CYP2D6: variants seen among roughly 807,000 people sequenced by gnomAD.
The protein encoded by CYP2D6 is cytochrome P450 family 2 subfamily D member 6 (gene/pseudogene), also known as cytochrome P450 2D6.
In CYP2D6, 51 loss-of-function variants were observed where a neutral mutation model predicts 43.5. The ratio of observed to expected loss-of-function variants is 1.17; its 90% CI spans 0.94 to 1.48. CYP2D6 has a LOEUF of 1.48. CYP2D6 is among the 40% of genes most tolerant of loss of function. CYP2D6 has a pLI of 0.00. For synonymous variants in CYP2D6, 346 were observed against 297.1 expected (o/e 1.16, Z -1.69); for missense variants, 698 against 688.0 (o/e 1.01, Z -0.16).
In CYP2D6 at chr22:42,126,610, G is replaced by C. The variant is rs757963591; in HGVS notation, c.1458C>G (p.Ser486Arg). ...SHHGVFAFLV[S>R]PSPYELCAVP... is the part of the protein sequence containing the mutation. ...CAGCACAAAGCTCATAGGGGGATGG[G>C]CTCACCAGGAAAGCAAAGACACCAT... The change falls in exon 9 of 9, where the codon AGC becomes AGG. Residue 486 changes from serine (S) to arginine (R), a missense_variant. Coordinates refer to ENST00000645361, the MANE Select transcript of CYP2D6 (RefSeq NM_000106.6). 4.4e-6 allele frequency: 7 copies of C among 1,607,004 alleles called. No homozygotes were observed. Among genetic ancestry groups the C allele is most frequent in the African/African-American group, 1.4e-5 (1 of 73,870 alleles).
chr22:42,130,489 C>T (rs1439163480), intron 1 of CYP2D6, 123 bp downstream of exon 1: 11 of 1,170,760 alleles, frequency 9.4e-6, no homozygotes, highest in Non-Finnish European at 1.4e-5. Flanking sequence ...GGACGTCCCC[C>T]AAACCTGCTT....
chr22:42,126,539 G>A lies in CYP2D6; in HGVS notation c.*35C>T, dbSNP rs756951232. The A allele has an allele frequency of 1.3e-6, 2 of 1,530,728 alleles. No individual in the cohort carries two copies. The highest frequency in any genetic ancestry group is 1.8e-6 in the Non-Finnish European group (2 of 1,137,412). 94.8% of individuals were successfully genotyped at this position (1,530,728 alleles called of 1,614,324 possible). The stretch of plus-strand genomic sequence containing the variant: ...TGCTTTATTGTACATTAGAGCCTCT[G>A]GCTAGGGAGCAGGCTGGGGACTAGG... On this transcript the variant is annotated 3_prime_UTR_variant, in exon 9 of 9. Coordinates refer to ENST00000645361, the MANE Select transcript of CYP2D6 (RefSeq NM_000106.6).
In CYP2D6 at chr22:42,128,338, C is replaced by T; in HGVS notation, c.679G>A (p.Val227Ile). 1 of 1,610,310 alleles carries T rather than the reference C, an allele frequency of 6.2e-7. No individual in the cohort carries two copies. The highest frequency in any genetic ancestry group is 8.5e-7 in the Non-Finnish European group (1 of 1,177,816). ...GCTGGGATATGCAGGAGGACGGGGACAGCATTCAGCACCTACACCAGACAG... is the reference window on the plus strand; with the variant it reads ...GCTGGGATATGCAGGAGGACGGGGATAGCATTCAGCACCTACACCAGACAG... ...SGFLREVLNA[V>I]PVLLHIPALA... The change falls in exon 5 of 9, where the codon GTC (valine) becomes ATC (isoleucine). Residue 227 changes from valine to isoleucine, a missense_variant. Physicochemically the swap from Val to Ile is conservative, Grantham distance 29. Around this residue, in one of 5 missense-constraint regions of CYP2D6, gnomAD observed 588 missense variants for 521.1 expected, o/e 1.13. Transcript: ENST00000645361.
chr22:42,127,317 G>A (rs1306928763), intron 7 of CYP2D6, 130 bp downstream of exon 7: 3 of 1,212,162 alleles, frequency 2.5e-6, no homozygotes, highest in East Asian at 2.4e-5. Context: ...CCCAAGTGGG[G>A]ACAGTCAGTG....
At position 42,127,457 on chromosome 22, in the gene CYP2D6, C is replaced by T. The variant is rs77312092; in HGVS notation, c.1163G>A (p.Arg388His). 141 of 1,608,408 alleles carry T rather than the reference C, an allele frequency of 8.8e-5. 2 individuals carry two copies. The highest frequency in any genetic ancestry group is 3.3e-4 in the Middle Eastern group (2 of 6,070). Residue 388 changes from arginine (R) to histidine (H), a missense_variant, in exon 7 of 9, where the codon CGC becomes CAC. By Grantham distance (29) the Arg-to-His change is conservative. Coordinates refer to ENST00000645361, the MANE Select transcript of CYP2D6 (RefSeq NM_000106.6). Reference sequence around the variant, plus strand: ...GGGCGCCAGGCCTACCTTAGGGATGCGGAAGCCCTGTACTTCGATGTCACG... The same window carrying T: ...GGGCGCCAGGCCTACCTTAGGGATGTGGAAGCCCTGTACTTCGATGTCACG... The part of the protein sequence containing the change: ...TSRDIEVQGF[R>H]IPKGTTLITN...
In CYP2D6 at chr22:42,127,854, G is replaced by C. The variant is rs1931189498; in HGVS notation, c.973C>G (p.Pro325Ala). Residue 325 changes from proline to alanine, a missense_variant, in exon 6 of 9, where the codon CCG (proline) becomes GCG (alanine). Physicochemically the swap from Pro to Ala is conservative, Grantham distance 27. Coordinates refer to ENST00000645361, the MANE Select transcript of CYP2D6 (RefSeq NM_000106.6). ...AWGLLLMILH[P>A]DVQRRVQQEI... ...CAGATGGGCTCACGCTGCACATCCG[G>C]ATGTAGGATCATGAGCAGGAGGCCC... 1 of 1,611,036 alleles carries C rather than the reference G, an allele frequency of 6.2e-7. No individual in the cohort carries two copies. The highest frequency in any genetic ancestry group is 8.5e-7 in the Non-Finnish European group (1 of 1,178,132).
chr22:42,129,325 A>C, intron 2 of CYP2D6, 140 bp from the exon 3 acceptor site: 1 of 1,155,304 alleles, frequency 8.7e-7, no homozygotes. Flanking sequence ...CTCTTTGTGC[A>C]TCCACCTTGC....
At chr22:42,129,486 A>G (rs1323373629) in intron 2 of CYP2D6, 1 of 723,118 alleles carries the variant, frequency 1.4e-6, no homozygotes, top group Non-Finnish European at 2.4e-6. Flanking sequence ...ACCGGATTCC[A>G]GCTGGGAAAT....
intron 4 of CYP2D6, among the ~76,000 whole-genome samples, 196 bp from the exon 5 acceptor site, chr22:42,128,546 G>A (rs936306239): frequency 1.1e-4 from 17 of 150,768 alleles, no homozygotes; most frequent in East Asian, 1.9e-4. Context: ...AATCTCTGAC[G>A]TGGATAGGAG....
At chr22:42,129,569 T>C (rs1343408512) in intron 2 of CYP2D6, among the ~76,000 whole-genome samples, 169 bp downstream of exon 2, 2 of 151,112 alleles carry the variant, frequency 1.3e-5, no homozygotes, top group Non-Finnish European at 3.0e-5. Context: ...AGCCCCGCCC[T>C]CGTCCCCATG....
At chr22:42,129,612 C>G (rs1282760344) in intron 2 of CYP2D6, 126 bp downstream of exon 2, 2 of 1,320,138 alleles carry the variant, frequency 1.5e-6, no homozygotes, top group Non-Finnish European at 2.1e-6. Flanking sequence ...GGTTTCTTGG[C>G]CCGCTGTCCC....
At position 42,128,016 on chromosome 22, in the gene CYP2D6, A is replaced by C. The variant is rs751657721; in HGVS notation, c.844-33T>G. 2.9e-5 allele frequency: 46 copies of C among 1,610,992 alleles called. 3 individuals carry two copies. The highest frequency in any genetic ancestry group is 3.6e-5 in the Non-Finnish European group (43 of 1,178,180). On this transcript the variant is annotated intron_variant, in intron 5 of 8. Coordinates refer to ENST00000645361, the MANE Select transcript of CYP2D6 (RefSeq NM_000106.6). ...GGGCCGAGAGCATACTCGGGACAGA[A>C]CGGGGTAGCCCCCAAATGACCTCCA...
In CYP2D6 at chr22:42,130,802, C is replaced by T. The variant is rs2146945306; in HGVS notation, c.-11G>A. On this transcript the variant is annotated 5_prime_UTR_variant, in exon 1 of 9. It adds an upstream start codon to the 5' untranslated region. Coordinates refer to ENST00000645361, the MANE Select transcript of CYP2D6 (RefSeq NM_000106.6). Reference sequence around the variant, plus strand: ...TGCTTCTAGCCCCATACCTGCCTCACTACCAAATGGGCTCCTCTGGACACA... The same window carrying T: ...TGCTTCTAGCCCCATACCTGCCTCATTACCAAATGGGCTCCTCTGGACACA... The T allele has an allele frequency of 6.4e-7, 1 of 1,558,814 alleles. No homozygotes were observed. Among genetic ancestry groups the T allele is most frequent in the Non-Finnish European group, 8.7e-7 (1 of 1,150,500 alleles).
At position 42,127,832 on chromosome 22, in the gene CYP2D6, A is replaced by C. The variant is rs751061716; in HGVS notation, c.985+10T>G. On this transcript the variant is annotated intron_variant, in intron 6 of 8. Transcript: ENST00000645361. ...CCTCGGCCCCTGCACTGTTTCCCAG[A>C]TGGGCTCACGCTGCACATCCGGATG... 8.4e-5 allele frequency: 136 copies of C among 1,610,490 alleles called. 5 individuals are homozygous for C. Among genetic ancestry groups the C allele is most frequent in the Admixed American group, 2.5e-4 (15 of 59,842 alleles).
In CYP2D6 at chr22:42,126,712, C is replaced by T. The variant is rs1930961946; in HGVS notation, c.1356G>A (p.Glu452=). The T allele has an allele frequency of 1.3e-6, 2 of 1,578,756 alleles. No individual in the cohort carries two copies. Among genetic ancestry groups the T allele is most frequent in the East Asian group, 2.3e-5 (1 of 43,178 alleles). Residue 452 remains glutamate (E), a synonymous_variant, in exon 9 of 9, where the codon GAG becomes GAA. Transcript: ENST00000645361. ...ACLGEPLARM[E]LFLFFTSLLQ... ...GCAGGGAGGTGAAGAAGAGGAAGAG[C>T]TCCATGCGGGCCAGGGGCTCCCCGA...
Position 42,127,856 on chromosome 22 carries a change from T to G in CYP2D6, c.971A>C (p.His324Pro), listed in dbSNP as rs5030867. The G allele has an allele frequency of 7.8e-4, 1,259 of 1,610,966 alleles. 33 individuals are homozygous for G. The highest frequency in any genetic ancestry group is 7.8e-3 in the South Asian group (710 of 90,896). ...LAWGLLLMIL[H>P]PDVQRRVQQE... The stretch of plus-strand genomic sequence containing the variant: ...GATGGGCTCACGCTGCACATCCGGA[T>G]GTAGGATCATGAGCAGGAGGCCCCA... The change falls in exon 6 of 9, where the codon CAT (histidine) becomes CCT (proline). Residue 324 changes from histidine to proline, a missense_variant. By Grantham distance (77) the His-to-Pro change is moderately conservative (BLOSUM62 -2). This residue lies in a region of CYP2D6 where 588 missense variants were observed against 521.1 expected (regional missense o/e 1.13). Coordinates refer to ENST00000645361, the MANE Select transcript of CYP2D6 (RefSeq NM_000106.6).
rs1185554585 is a variant in CYP2D6, at chr22:42,129,769, G to A, written c.321C>T (p.Thr107=). 1 of 1,609,734 alleles carries A rather than the reference G, an allele frequency of 6.2e-7. No homozygotes were observed. Among genetic ancestry groups the A allele is most frequent in the Non-Finnish European group, 8.5e-7 (1 of 1,178,110 alleles). Residue 107 remains threonine (T), a synonymous_variant, in exon 2 of 9, where the codon ACC becomes ACT. Transcript: ENST00000645361. Reference sequence around the variant, plus strand: ...AACGCGGCCCGAAACCCAGGATCTGGGTGATGGGCACAGGCGGGCGGTCGG... The same window carrying A: ...AACGCGGCCCGAAACCCAGGATCTGAGTGATGGGCACAGGCGGGCGGTCGG... ...DTADRPPVPI[T]QILGFGPRSQ...
In CYP2D6 at chr22:42,129,722, C is replaced by T. The variant is rs368389952; in HGVS notation, c.352+16G>A. 3.8e-4 allele frequency: 616 copies of T among 1,609,392 alleles called. 25 individuals are homozygous for T. Among genetic ancestry groups the T allele is most frequent in the South Asian group, 3.3e-3 (296 of 90,912 alleles). ...GGGTCCCACGGAAATCTGTCTCTGT[C>T]CCCACCGCTGCTTGCCTTGGGAACG... On this transcript the variant is annotated intron_variant, in intron 2 of 8. Transcript: ENST00000645361.
At chr22:42,130,398 C>T (rs1931899685) in intron 1 of CYP2D6, 2 of 639,928 alleles carry the variant, frequency 3.1e-6, no homozygotes, top group Non-Finnish European at 2.8e-6. Context: ...AAGTCCAGCT[C>T]CACCTCCAGG....
Sources: allele counts gnomAD v4.1 joint callset (sites outside exome capture counted in the v4.1 genomes callset), GRCh38; gene constraint gnomAD v4.1.1; regional missense constraint gnomAD v4.1.1; transcripts MANE v1.5; gene names NCBI Gene and HGNC (gene_info 2026-07-23, HGNC 2026-07-21).